Variants in TEX2 observed in about 807,000 individuals in gnomAD.
TEX2 encodes the protein testis expressed 2.
A neutral mutation model predicts 106.9 loss-of-function variants in TEX2; 53 were observed. The ratio of observed to expected loss-of-function variants is 0.50; its 90% confidence interval spans 0.40 to 0.62. The LOEUF is 0.62. Ranked by LOEUF, TEX2 falls within the 20% of genes least tolerant of loss-of-function variation. The probability of loss-of-function intolerance (pLI) is 0.00; values close to 1 mark genes in which losing one functional copy is unlikely to be tolerated. For missense variants in TEX2, 1,207 were observed against 1,379.0 expected (o/e 0.88, Z 1.98); for synonymous variants, 523 against 534.8 (o/e 0.98, Z 0.30).
chr17:64,148,251 C>G lies in TEX2; in HGVS notation c.*718G>C, dbSNP rs538366802. 6.5e-6 allele frequency: 1 copy of G among 152,750 alleles called. No individual in the cohort carries two copies. The highest frequency in any genetic ancestry group is 1.9e-4 in the East Asian group (1 of 5,186). The allele number at this position is 152,750 out of a possible 1,614,324, so 9.5% of individuals were successfully genotyped here. Reference sequence around the variant, plus strand: ...GATGTTTTCACATACGCTCCTGTCTCAGGAAAACATTCAAGATTAGCTAGC... The same window carrying G: ...GATGTTTTCACATACGCTCCTGTCTGAGGAAAACATTCAAGATTAGCTAGC... On this transcript the variant is annotated 3_prime_UTR_variant, in exon 12 of 12. Transcript: ENST00000584379.
Position 64,224,203 on chromosome 17 carries a change from A to G in TEX2, c.-25-9961T>C, listed in dbSNP as rs895458361. 7.2e-5 allele frequency among the ~76,000 whole-genome samples: 11 copies of G among 152,178 alleles called. No homozygotes were observed. The East Asian group carries it at 2.1e-3, about 29-fold the overall frequency. ...GGCAAGCTGCATTCTATTGCAGAGGATGTCTTAATACTTCTTACCTGTGCA... is the reference window on the plus strand; with the variant it reads ...GGCAAGCTGCATTCTATTGCAGAGGGTGTCTTAATACTTCTTACCTGTGCA... On this transcript the variant is annotated intron_variant, in intron 1 of 11. Transcript: ENST00000584379.
At chr17:64,199,224 A>G (rs1317278856) in intron 2 of TEX2, among the ~76,000 whole-genome samples, 2 of 152,084 alleles carry the variant, frequency 1.3e-5, no homozygotes, top group Non-Finnish European at 2.9e-5. Flanking sequence ...GATCATGAAA[A>G]TATGTAATTT....
At chr17:64,188,832 A>AT (rs1224932660) in intron 4 of TEX2, among the ~76,000 whole-genome samples, 2 of 151,804 alleles carry the variant, frequency 1.3e-5, no homozygotes, top group Non-Finnish European at 2.9e-5. Flanking sequence ...AAAAAAAAAA[A>AT]TTTTATAAGT....
At position 64,153,293 on chromosome 17, in the gene TEX2, C is replaced by G. The variant is rs566591990; in HGVS notation, c.2931-139G>C. 2.0e-4 allele frequency: 131 copies of G among 641,008 alleles called. No homozygotes were observed. The African/African-American group carries it at 2.2e-3, about 11-fold the overall frequency. 39.7% of individuals were successfully genotyped at this position (641,008 alleles called of 1,614,324 possible). A position where few individuals can be genotyped will look rare whatever the true frequency, so the allele number is the denominator to read the frequency against. On this transcript the variant is annotated intron_variant, in intron 9 of 11. Coordinates refer to ENST00000584379, the MANE Select transcript of TEX2 (RefSeq NM_001288732.2). This position sits in a 1 kb window ranked among gnomAD's most constrained non-coding sequence, Gnocchi z 4.1. Reference sequence around the variant, plus strand: ...GGTGATTCTGTGTTGGGGCGGGGGGCATCCTGTGCATTGCAGGGTGTTCAG... The same window carrying G: ...GGTGATTCTGTGTTGGGGCGGGGGGGATCCTGTGCATTGCAGGGTGTTCAG...
intron 5 of TEX2, 93 bp downstream of exon 5, chr17:64,188,075 C>T: frequency 7.0e-7 from 1 of 1,425,638 alleles, no homozygotes; most frequent in Non-Finnish European, 9.5e-7. Context: ...ACTGTTATCC[C>T]AGTGCCCACA....
intron 4 of TEX2, 102 bp from the exon 5 acceptor site, chr17:64,188,517 T>C: frequency 4.5e-6 from 7 of 1,541,822 alleles, no homozygotes; most frequent in Non-Finnish European, 6.1e-6. Flanking sequence ...AAATGACTGT[T>C]TAAAAATATT....
chr17:64,178,585 C>T (rs904550913), intron 5 of TEX2, among the ~76,000 whole-genome samples: 1 of 152,180 alleles, frequency 6.6e-6, no homozygotes, highest in African/African-American at 2.4e-5. Flanking sequence ...GGGGAGCTGG[C>T]CCCCTGATAT....
chr17:64,234,056 A>C (rs989126628), intron 1 of TEX2, among the ~76,000 whole-genome samples: 5 of 152,268 alleles, frequency 3.3e-5, no homozygotes, highest in African/African-American at 1.2e-4. Context: ...AAAGCAGAGC[A>C]GAAGGCAGAA....
At chr17:64,248,195 T>C (rs1322659501) in intron 1 of TEX2, among the ~76,000 whole-genome samples, 2 of 152,126 alleles carry the variant, frequency 1.3e-5, no homozygotes, top group African/African-American at 4.8e-5. Flanking sequence ...TGCTTTATGT[T>C]AGTGAGAGAA....
At chr17:64,218,129 C>A (rs1184245670) in intron 1 of TEX2, among the ~76,000 whole-genome samples, 1 of 152,012 alleles carries the variant, frequency 6.6e-6, no homozygotes, top group Non-Finnish European at 1.5e-5. Context: ...ACCTGTAATC[C>A]CAGCTACTAG....
chr17:64,174,842 C>A (rs2031556331), intron 6 of TEX2, among the ~76,000 whole-genome samples: 1 of 152,248 alleles, frequency 6.6e-6, no homozygotes, highest in African/African-American at 2.4e-5. Flanking sequence ...AGAAACTCAG[C>A]TTGTTTTAAA....
chr17:64,232,475 C>A (rs782157427), intron 1 of TEX2, among the ~76,000 whole-genome samples: 8 of 152,144 alleles, frequency 5.3e-5, no homozygotes, highest in Non-Finnish European at 1.2e-4. Flanking sequence ...ATAAGGGGTT[C>A]ATAATGACAT....
Position 64,187,542 on chromosome 17 carries a change from A to G in TEX2, c.2424+626T>C, listed in dbSNP as rs79982024. ...CCACTCCTTTTTTCCCTCTACAGCC[A>G]GTTCTCCACCAAGAGCCACTTATCT... On this transcript the variant is annotated intron_variant, in intron 5 of 11. Coordinates refer to ENST00000584379, the MANE Select transcript of TEX2 (RefSeq NM_001288732.2). 1.9e-3 allele frequency among the ~76,000 whole-genome samples: 293 copies of G among 152,142 alleles called. 5 individuals carry two copies. In the East Asian group the frequency reaches 0.045, roughly 24 times the overall value.
chr17:64,187,227 A>T (rs1470699147), intron 5 of TEX2, among the ~76,000 whole-genome samples: 1 of 152,212 alleles, frequency 6.6e-6, no homozygotes, highest in Non-Finnish European at 1.5e-5. Flanking sequence ...TACACTTTGT[A>T]AAGAATGTTC....
Position 64,193,751 on chromosome 17 carries a change from C to T in TEX2, c.1984G>A (p.Ala662Thr). ...DKETSEEKPPAEGSEDPKKPP... is the reference protein window; with the variant it reads ...DKETSEEKPPTEGSEDPKKPP... ...TTCTTAGGGTCCTCACTTCCCTCAGCTGGCGGCTTCTCTTCTGAAGTCTCC... is the reference window on the plus strand; with the variant it reads ...TTCTTAGGGTCCTCACTTCCCTCAGTTGGCGGCTTCTCTTCTGAAGTCTCC... Residue 662 changes from alanine to threonine, a missense_variant, in exon 4 of 12, where the codon GCT becomes ACT. This residue lies in a region of TEX2 where 1,067 missense variants were observed against 1,193.6 expected (regional missense o/e 0.89). Transcript: ENST00000584379. The T allele has an allele frequency of 1.9e-6, 3 of 1,613,880 alleles. No homozygotes were observed. The highest frequency in any genetic ancestry group is 1.7e-6 in the Non-Finnish European group (2 of 1,179,870).
chr17:64,163,429 T>A (rs2030978683), intron 7 of TEX2, among the ~76,000 whole-genome samples: 1 of 152,196 alleles, frequency 6.6e-6, no homozygotes, highest in Non-Finnish European at 1.5e-5. Context: ...TGTGAGCCAC[T>A]GCACCTGGCC....
rs1745786414 is a variant in TEX2, at chr17:64,213,365, C to T, written c.853G>A (p.Ala285Thr). Residue 285 changes from alanine (A) to threonine (T), a missense_variant, in exon 2 of 12, where the codon GCT (alanine) becomes ACT (threonine). Around this residue, in one of 3 missense-constraint regions of TEX2, gnomAD observed 1,067 missense variants for 1,193.6 expected, o/e 0.89. Transcript: ENST00000584379. The surrounding 1 kb of genome is among the most constrained non-coding windows in gnomAD (Gnocchi z 4.4). ...RSFFKVPEME[A>T]KIEDTKRRLS... is the part of the protein sequence containing the mutation. ...CGTCGTTTAGTATCTTCAATTTTAG[C>T]CTCCATTTCGGGCACTTTAAAAAAG... 6.2e-7 allele frequency: 1 copy of T among 1,613,952 alleles called. No individual in the cohort carries two copies. The highest frequency in any genetic ancestry group is 8.5e-7 in the Non-Finnish European group (1 of 1,180,026).
At chr17:64,198,037 G>C (rs1169968392) in intron 2 of TEX2, among the ~76,000 whole-genome samples, 1 of 151,880 alleles carries the variant, frequency 6.6e-6, no homozygotes, top group African/African-American at 2.4e-5. Context: ...CCAAATATTT[G>C]AGAAATTTTC....
At position 64,171,088 on chromosome 17, in the gene TEX2, G is replaced by A. The variant is rs760939181; in HGVS notation, c.2671+12C>T. ...TATTTTAACACTCATAGAATGGTCAGTTAGGAGTTACCTTGGTGATCAACG... is the reference window on the plus strand; with the variant it reads ...TATTTTAACACTCATAGAATGGTCAATTAGGAGTTACCTTGGTGATCAACG... On this transcript the variant is annotated intron_variant, in intron 7 of 11. Transcript: ENST00000584379. The A allele has an allele frequency of 2.5e-6, 4 of 1,606,902 alleles. No individual in the cohort carries two copies. The highest frequency in any genetic ancestry group is 3.4e-6 in the Non-Finnish European group (4 of 1,173,546).
Sources: gnomAD v4.1 joint callset for allele counts (sites outside exome capture counted in the v4.1 genomes callset) on GRCh38, gnomAD v4.1.1 for gene constraint, gnomAD v4.1.1 regional missense constraint, Gnocchi (gnomAD v3.1) non-coding constraint, MANE v1.5 for transcripts, NCBI Gene and HGNC (gene_info 2026-07-23, HGNC 2026-07-21) for gene names.